The following CNTN4 variants were observed in gnomAD, a reference collection of about 807,000 sequenced individuals.
CNTN4 encodes contactin-4.
A neutral mutation model predicts 122.5 loss-of-function variants in CNTN4; 77 were observed. The ratio of observed to expected loss-of-function variants is 0.63; its 90% CI spans 0.52 to 0.76. The LOEUF (loss-of-function observed/expected upper bound fraction) is 0.76, where lower values mean the gene tolerates loss of function less well. Among genes scored for constraint, CNTN4 ranks in the 30% least tolerant of loss-of-function variants. The pLI is 0.00. For missense variants in CNTN4, 1,256 were observed against 1,259.1 expected (o/e 1.00, Z 0.04); for synonymous variants, 512 against 447.0 (o/e 1.15, Z -1.83).
At chr3:2,103,155 T>C (rs2032130206) in intron 2 of CNTN4, among the ~76,000 whole-genome samples, 2 of 151,860 alleles carry the variant, frequency 1.3e-5, no homozygotes, top group Non-Finnish European at 2.9e-5. Context: ...CCAGGTTCTC[T>C]CACTCCAGAA....
chr3:2,331,499 G>C (rs76726620), intron 2 of CNTN4, among the ~76,000 whole-genome samples: 3,132 of 152,238 alleles, frequency 0.021, 49 homozygotes, highest in Non-Finnish European at 0.033. Flanking sequence ...AATGTCTTCA[G>C]ACTTTGCCAA....
chr3:2,745,925 T>G (rs868426094), intron 6 of CNTN4, among the ~76,000 whole-genome samples: 1 of 152,178 alleles, frequency 6.6e-6, no homozygotes, highest in Non-Finnish European at 1.5e-5. Flanking sequence ...GTTGATTGTA[T>G]GATAATTTGA....
At position 2,102,601 on chromosome 3, in the gene CNTN4, T is replaced by C. The variant is rs561218262; in HGVS notation, c.-145+1962T>C. ...TCAGAGACCCAGCCTTCATCTGTTCTGTGCCCTTGCCGTCTTCAGCAGGGT... is the reference window on the plus strand; with the variant it reads ...TCAGAGACCCAGCCTTCATCTGTTCCGTGCCCTTGCCGTCTTCAGCAGGGT... On this transcript the variant is annotated intron_variant, in intron 2 of 24. Transcript: ENST00000418658. Among the ~76,000 whole-genome samples the C allele has an allele frequency of 8.9e-4, 136 of 152,360 alleles. 2 individuals carry two copies. The highest frequency in any genetic ancestry group is 3.1e-3 in the African/African-American group (128 of 41,586).
At chr3:2,265,802 T>G (rs2041020542) in intron 2 of CNTN4, among the ~76,000 whole-genome samples, 1 of 151,614 alleles carries the variant, frequency 6.6e-6, no homozygotes, top group African/African-American at 2.4e-5. Context: ...TTTGGTTAAA[T>G]GGATTCCTAG....
At chr3:2,337,100 C>T (rs2043984167) in intron 2 of CNTN4, among the ~76,000 whole-genome samples, 1 of 151,990 alleles carries the variant, frequency 6.6e-6, no homozygotes, top group South Asian at 2.1e-4. Flanking sequence ...GGGGTCAGTC[C>T]CATATATTCC....
At chr3:2,766,556 G>C (rs900778219) in intron 6 of CNTN4, among the ~76,000 whole-genome samples, 3 of 152,110 alleles carry the variant, frequency 2.0e-5, no homozygotes, top group Non-Finnish European at 4.4e-5. Context: ...AGGACGCAAA[G>C]GCATAAGAAT....
At chr3:2,111,149 G>A (rs1236649913) in intron 2 of CNTN4, among the ~76,000 whole-genome samples, 2 of 152,018 alleles carry the variant, frequency 1.3e-5, no homozygotes, top group Non-Finnish European at 2.9e-5. Context: ...TAAATCCAGT[G>A]GTCAGAATTC....
rs1393345953 is a variant in CNTN4 at position 2,383,612 on chromosome 3, T to TCCCTCTCCCTCTCTCC, written c.-89+44393_-89+44408dup. Among the ~76,000 whole-genome samples the TCCCTCTCCCTCTCTCC allele has an allele frequency of 2.0e-4, 30 of 151,678 alleles. No individual in the cohort carries two copies. The East Asian group carries it at 5.5e-3, about 28-fold the overall frequency. ...CTATTTTCTCTCTCTCTCCTTCTGC[T>TCCCTCTCCCTCTCTCC]CCCTCTCCCTCTCTCCCCCTCTCCC... On this transcript the variant is annotated intron_variant, in intron 3 of 24. Transcript: ENST00000418658.
intron 2 of CNTN4, among the ~76,000 whole-genome samples, chr3:2,218,400 G>C (rs914453488): frequency 6.6e-6 from 1 of 152,092 alleles, no homozygotes; most frequent in East Asian, 1.9e-4. Context: ...TGTACCTGTA[G>C]TCCCAGCTAC....
intron 14 of CNTN4, among the ~76,000 whole-genome samples, chr3:3,024,824 A>G (rs1470810287): frequency 1.3e-5 from 2 of 152,224 alleles, no homozygotes; most frequent in African/African-American, 4.8e-5. Context: ...GTCAGATATA[A>G]TTACAAAATT....
intron 6 of CNTN4, among the ~76,000 whole-genome samples, chr3:2,794,551 T>C (rs1559510452): frequency 6.6e-6 from 1 of 152,178 alleles, no homozygotes; most frequent in Non-Finnish European, 1.5e-5. Flanking sequence ...AGAGTGAAAG[T>C]ATCGACTTGG....
At chr3:2,849,823 C>T (rs531438456) in intron 7 of CNTN4, among the ~76,000 whole-genome samples, 6 of 152,240 alleles carry the variant, frequency 3.9e-5, no homozygotes, top group African/African-American at 1.4e-4. Flanking sequence ...AGGTGGAGAT[C>T]CACAGCCTTC....
rs1416482774 is a variant in CNTN4, at chr3:2,866,919, C to T, written c.622C>T (p.Pro208Ser). The change falls in exon 8 of 25, where the codon CCA becomes TCA. Residue 208 changes from proline (P) to serine (S), a missense_variant. By Grantham distance (74) the Pro-to-Ser change is moderately conservative (BLOSUM62 -1). Coordinates refer to ENST00000418658, the MANE Select transcript of CNTN4 (RefSeq NM_175607.3). ...NTVTNHKVLG[P>S]PTPLILRNDG... ...CGTGACAAACCACAAGGTCCTGGGGCCACCTACACCACTAATATTGAGAAA... is the reference window on the plus strand; with the variant it reads ...CGTGACAAACCACAAGGTCCTGGGGTCACCTACACCACTAATATTGAGAAA... 6.2e-7 allele frequency: 1 copy of T among 1,613,732 alleles called. No homozygotes were observed. Among genetic ancestry groups the T allele is most frequent in the Admixed American group, 1.7e-5 (1 of 59,988 alleles).
intron 6 of CNTN4, among the ~76,000 whole-genome samples, chr3:2,795,823 A>G (rs1250646701): frequency 6.6e-6 from 1 of 152,170 alleles, no homozygotes; most frequent in Non-Finnish European, 1.5e-5. Context: ...CCCAGCCACA[A>G]ATGGGTATCT....
At chr3:2,666,775 G>A (rs905071534) in intron 4 of CNTN4, among the ~76,000 whole-genome samples, 1 of 126,360 alleles carries the variant, frequency 7.9e-6, no homozygotes, top group Non-Finnish European at 1.6e-5. Flanking sequence ...CCCAGTGTGT[G>A]ATGTTCCCTT....
intron 7 of CNTN4, 63 bp downstream of exon 7, chr3:2,819,644 C>T: frequency 8.1e-7 from 1 of 1,227,834 alleles, no homozygotes; most frequent in Non-Finnish European, 1.2e-6. Flanking sequence ...CCTCAATGTT[C>T]TCCCTCCTGA....
intron 3 of CNTN4, among the ~76,000 whole-genome samples, chr3:2,495,245 A>C (rs934399995): frequency 3.3e-5 from 5 of 152,230 alleles, no homozygotes; most frequent in Admixed American, 2.0e-4. Context: ...CAAATTGCCA[A>C]GTAGGAAATA....
chr3:2,946,748 G>T (rs1208462092), intron 13 of CNTN4, among the ~76,000 whole-genome samples: 1 of 136,018 alleles, frequency 7.4e-6, no homozygotes, highest in Non-Finnish European at 1.5e-5. Context: ...GTGTCACCCA[G>T]GCTGGAATGC....
At chr3:2,267,807 A>G (rs936855568) in intron 2 of CNTN4, among the ~76,000 whole-genome samples, 3 of 152,064 alleles carry the variant, frequency 2.0e-5, no homozygotes, top group African/African-American at 7.2e-5. Flanking sequence ...TTCTACCACC[A>G]AGAGTCACAG....
Sources: allele counts gnomAD v4.1 joint callset (sites outside exome capture counted in the v4.1 genomes callset), GRCh38; gene constraint gnomAD v4.1.1; transcripts MANE v1.5; gene names NCBI Gene and HGNC (gene_info 2026-07-23, HGNC 2026-07-21).